Variants in EDAR observed in about 807,000 individuals in gnomAD.
EDAR encodes ectodysplasin A receptor, also known as tumor necrosis factor receptor superfamily member EDAR.
A neutral mutation model predicts 51.3 loss-of-function variants in EDAR; 38 were observed. The observed-to-expected ratio is 0.74, with a 90% CI of 0.57 to 0.97. The LOEUF (loss-of-function observed/expected upper bound fraction) is 0.97. Ranked by LOEUF, EDAR falls within the 50% of genes least tolerant of loss-of-function variation. EDAR has a pLI of 0.00. For missense variants in EDAR, 528 were observed against 595.0 expected (o/e 0.89, Z 1.17); for synonymous variants, 227 against 242.1 (o/e 0.94, Z 0.58).
chr2:108,930,327 A>G (rs1017960708), intron 2 of EDAR, 85 bp from the exon 3 acceptor site: 20 of 1,578,856 alleles, frequency 1.3e-5, no homozygotes, highest in Non-Finnish European at 1.7e-5. Flanking sequence ...TGACATAGGA[A>G]GGGGGTGCCC....
At position 108,896,753 on chromosome 2, in the gene EDAR, G is replaced by A. The variant is rs1574361506; in HGVS notation, c.*154C>T. 1.4e-6 allele frequency: 1 copy of A among 700,310 alleles called. No homozygotes were observed. Among genetic ancestry groups the A allele is most frequent in the Non-Finnish European group, 2.4e-6 (1 of 425,022 alleles). The allele number at this position is 700,310 out of a possible 1,614,324, so 43.4% of individuals were successfully genotyped here. ...TATCTTTGGTTAAATTGGAAGACAGGCCTTATTTCGTCTGGCTCCTTGAAC... is the reference window on the plus strand; with the variant it reads ...TATCTTTGGTTAAATTGGAAGACAGACCTTATTTCGTCTGGCTCCTTGAAC... On this transcript the variant is annotated 3_prime_UTR_variant, in exon 12 of 12. Transcript: ENST00000258443.
chr2:108,925,631 T>TC (rs201534975), intron 4 of EDAR, among the ~76,000 whole-genome samples: 26 of 152,006 alleles, frequency 1.7e-4, no homozygotes, highest in African/African-American at 5.8e-4. Flanking sequence ...CTTTTTTTTT[T>TC]CCCCCTGAAA....
At chr2:108,946,603 C>A (rs1386890378) in intron 1 of EDAR, among the ~76,000 whole-genome samples, 1 of 152,192 alleles carries the variant, frequency 6.6e-6, no homozygotes, top group Non-Finnish European at 1.5e-5. Context: ...ACATGGCTGG[C>A]AGGCCTCAGG....
intron 11 of EDAR, among the ~76,000 whole-genome samples, chr2:108,902,983 A>G (rs72937929): frequency 0.069 from 10,581 of 152,288 alleles, 469 homozygotes; most frequent in South Asian, 0.15. Context: ...AGATGTGATT[A>G]TCTATGTAGA....
intron 1 of EDAR, among the ~76,000 whole-genome samples, chr2:108,978,420 C>T (rs1000590202): frequency 3.3e-5 from 5 of 152,208 alleles, no homozygotes; most frequent in African/African-American, 7.2e-5. Flanking sequence ...GTCGACTCTG[C>T]GTGTCTTTGC....
At chr2:108,923,117 G>T (rs1697180463) in intron 5 of EDAR, among the ~76,000 whole-genome samples, 1 of 152,178 alleles carries the variant, frequency 6.6e-6, no homozygotes, top group Admixed American at 6.5e-5. Context: ...GCTCATGGAG[G>T]TTAAGTGACT....
At chr2:108,923,484 C>G in intron 4 of EDAR, 31 bp from the exon 5 acceptor site, 2 of 1,604,246 alleles carry the variant, frequency 1.2e-6, no homozygotes, top group Non-Finnish European at 1.7e-6. Flanking sequence ...AAAACAGAGA[C>G]AGGTGAGCTG....
chr2:108,906,359 G>A lies in EDAR; in HGVS notation c.973C>T (p.Arg325Trp), dbSNP rs755654853. Residue 325 changes from arginine (R) to tryptophan (W), a missense_variant, in exon 11 of 12, where the codon CGG (arginine) becomes TGG (tryptophan). Physicochemically the swap from Arg to Trp is moderately radical, Grantham distance 101. Transcript: ENST00000258443. ...TSNKSAGIQS[R>W]RKKILDVYAN... is the part of the protein sequence containing the mutation. ...TACACATCGAGGATCTTTTTCCTCC[G>A]GCTTTGAATCTGTGAAAAAGAGTCG... 16 of 1,613,992 alleles carry A rather than the reference G, an allele frequency of 9.9e-6. No individual in the cohort carries two copies. Among genetic ancestry groups the A allele is most frequent in the Non-Finnish European group, 6.8e-6 (8 of 1,180,004 alleles).
At chr2:108,981,178 A>G (rs1030382989) in intron 1 of EDAR, among the ~76,000 whole-genome samples, 54 of 152,186 alleles carry the variant, frequency 3.5e-4, no homozygotes, top group Non-Finnish European at 1.3e-4. Flanking sequence ...GACAGAAGTT[A>G]CCCAGCAATG....
At chr2:108,906,814 T>C (rs985387910) in intron 10 of EDAR, among the ~76,000 whole-genome samples, 1 of 152,206 alleles carries the variant, frequency 6.6e-6, no homozygotes, top group Admixed American at 6.5e-5. Flanking sequence ...CATGGCCACC[T>C]ATCTCCCTTG....
chr2:108,969,996 G>C (rs1299156160), intron 1 of EDAR, among the ~76,000 whole-genome samples: 1 of 152,214 alleles, frequency 6.6e-6, no homozygotes, highest in East Asian at 1.9e-4. Flanking sequence ...GGAGGGTCTA[G>C]CCAGCCCAGC....
intron 11 of EDAR, among the ~76,000 whole-genome samples, chr2:108,900,706 A>G (rs13400724): frequency 0.069 from 10,582 of 152,308 alleles, 468 homozygotes; most frequent in South Asian, 0.15. Flanking sequence ...GTTGGAAGTA[A>G]AGGATGGAAA....
At chr2:108,904,911 G>GT (rs1333882508) in intron 11 of EDAR, among the ~76,000 whole-genome samples, 19 of 152,288 alleles carry the variant, frequency 1.2e-4, no homozygotes, top group Middle Eastern at 3.4e-3. Context: ...TCAGTGTCCT[G>GT]GTTGTGACTT....
chr2:108,920,362 G>A (rs1056983987), intron 5 of EDAR, among the ~76,000 whole-genome samples: 1 of 152,178 alleles, frequency 6.6e-6, no homozygotes, highest in South Asian at 2.1e-4. Flanking sequence ...CTTCCTCTCT[G>A]TTACGGCAGG....
intron 5 of EDAR, among the ~76,000 whole-genome samples, chr2:108,913,143 G>C (rs1558803785): frequency 6.6e-6 from 1 of 151,972 alleles, no homozygotes. Context: ...TAGAGACGGG[G>C]TTTCACCATG....
At chr2:108,969,537 T>C (rs1216087731) in intron 1 of EDAR, among the ~76,000 whole-genome samples, 1 of 152,248 alleles carries the variant, frequency 6.6e-6, no homozygotes, top group Non-Finnish European at 1.5e-5. Context: ...GACCTTTATA[T>C]GCTATTCAGG....
chr2:108,941,797 G>C (rs1048235544), intron 1 of EDAR, among the ~76,000 whole-genome samples: 2 of 152,242 alleles, frequency 1.3e-5, no homozygotes, highest in Non-Finnish European at 2.9e-5. Context: ...CAGCCCATGT[G>C]TGAGGCCCTC....
chr2:108,940,871 A>G (rs1697580273), intron 1 of EDAR, among the ~76,000 whole-genome samples: 1 of 152,212 alleles, frequency 6.6e-6, no homozygotes, highest in South Asian at 2.1e-4. Flanking sequence ...TTTAAAACTA[A>G]TCACGTTTAT....
At chr2:108,964,419 A>G (rs1698110683) in intron 1 of EDAR, among the ~76,000 whole-genome samples, 1 of 152,150 alleles carries the variant, frequency 6.6e-6, no homozygotes, top group Non-Finnish European at 1.5e-5. Context: ...GGATCAGGTC[A>G]TGGAGCTGTT....
Sources: gnomAD v4.1 joint callset for allele counts (sites outside exome capture counted in the v4.1 genomes callset) on GRCh38, gnomAD v4.1.1 for gene constraint, MANE v1.5 for transcripts, NCBI Gene and HGNC (gene_info 2026-07-23, HGNC 2026-07-21) for gene names.